Variants in CDH12 observed in about 807,000 individuals in gnomAD.
CDH12 encodes the protein cadherin-12.
Under a neutral mutation model 74.1 loss-of-function variants are expected in CDH12, and 41 were observed. The ratio of observed to expected loss-of-function variants is 0.55; its 90% CI spans 0.43 to 0.72. CDH12 has a LOEUF of 0.72. Ranked by LOEUF, CDH12 falls within the 30% of genes least tolerant of loss-of-function variation. The pLI, the probability that CDH12 is intolerant of heterozygous loss-of-function variation, is 0.00. For missense variants in CDH12, 945 were observed against 977.2 expected (o/e 0.97, Z 0.44); for synonymous variants, 399 against 355.0 (o/e 1.12, Z -1.39).
chr5:22,741,226 C>T (rs189134115), intron 1 of CDH12, among the ~76,000 whole-genome samples: 1 of 152,078 alleles, frequency 6.6e-6, no homozygotes, highest in African/African-American at 2.4e-5. Flanking sequence ...TGAAACATAC[C>T]CACAAAATCA....
At position 21,896,173 on chromosome 5, in the gene CDH12, AG is replaced by A. The variant is rs200065592; in HGVS notation, c.527-41384del. On this transcript the variant is annotated intron_variant, in intron 6 of 14. Coordinates refer to ENST00000382254, the MANE Select transcript of CDH12 (RefSeq NM_004061.5). The stretch of plus-strand genomic sequence containing the variant: ...GGAATGACAGCCAGCTTAATCAAAT[AG>A]AATTCATTCCAAAAAAGAAATTGAG... 1.8e-3 allele frequency among the ~76,000 whole-genome samples: 275 copies of A among 152,332 alleles called. 1 individual carries two copies. Among genetic ancestry groups the A allele is most frequent in the African/African-American group, 6.2e-3 (257 of 41,568 alleles).
At chr5:22,487,917 A>C (rs1746678604) in intron 2 of CDH12, among the ~76,000 whole-genome samples, 1 of 152,208 alleles carries the variant, frequency 6.6e-6, no homozygotes, top group South Asian at 2.1e-4. Flanking sequence ...AGTTATGTAA[A>C]TCCATCATAT....
chr5:21,920,980 A>AT (rs1185670845), intron 6 of CDH12, among the ~76,000 whole-genome samples: 1 of 152,114 alleles, frequency 6.6e-6, no homozygotes, highest in Middle Eastern at 3.2e-3. Context: ...GAAACCACAG[A>AT]TTTTTTCTTA....
At chr5:22,111,202 A>T (rs916227937) in intron 4 of CDH12, among the ~76,000 whole-genome samples, 1 of 152,092 alleles carries the variant, frequency 6.6e-6, no homozygotes, top group Non-Finnish European at 1.5e-5. Flanking sequence ...ATCTCCTTTC[A>T]AGAAATACCA....
intron 3 of CDH12, among the ~76,000 whole-genome samples, chr5:22,293,812 T>A (rs1198366881): frequency 6.6e-6 from 1 of 151,930 alleles, no homozygotes; most frequent in African/African-American, 2.4e-5. Flanking sequence ...AAGTAGAGAG[T>A]AGGATGGTGG....
At chr5:22,690,705 A>T (rs1742038217) in intron 1 of CDH12, among the ~76,000 whole-genome samples, 1 of 152,176 alleles carries the variant, frequency 6.6e-6, no homozygotes. Context: ...TGCCACTTGC[A>T]CAAATCACTT....
At position 21,862,858 on chromosome 5, in the gene CDH12, G is replaced by A. The variant is rs76604820; in HGVS notation, c.527-8068C>T. Among the ~76,000 whole-genome samples, 74 of 152,054 alleles carry A rather than the reference G, an allele frequency of 4.9e-4. No individual in the cohort carries two copies. In the East Asian group the frequency reaches 0.012, roughly 25 times the overall value. On this transcript the variant is annotated intron_variant, in intron 6 of 14. Transcript: ENST00000382254. ...ATGTGCTCTTGCTTTTTATCACTCT[G>A]CCATTGTCTTAACAGGTTGAGGTCC... is the stretch of plus-strand genomic sequence containing the variant.
intron 1 of CDH12, among the ~76,000 whole-genome samples, chr5:22,612,547 G>T (rs183056546): frequency 9.9e-5 from 15 of 151,590 alleles, no homozygotes; most frequent in African/African-American, 3.6e-4. Flanking sequence ...TTTTATCATC[G>T]AATTATGTTA....
At chr5:21,992,899 T>G (rs544831937) in intron 5 of CDH12, among the ~76,000 whole-genome samples, 3 of 152,196 alleles carry the variant, frequency 2.0e-5, no homozygotes. Flanking sequence ...TTCACAATAC[T>G]GCACGGCTGG....
At chr5:22,346,356 T>C (rs1387999447) in intron 3 of CDH12, among the ~76,000 whole-genome samples, 4 of 152,192 alleles carry the variant, frequency 2.6e-5, no homozygotes, top group Admixed American at 6.5e-5. Context: ...TACATAATTC[T>C]TTACATAATT....
chr5:21,982,621 ATATATC>A (rs1052032684), intron 5 of CDH12, among the ~76,000 whole-genome samples: 1 of 151,766 alleles, frequency 6.6e-6, no homozygotes, highest in Non-Finnish European at 1.5e-5. Flanking sequence ...TCTATAATCT[ATATATC>A]TATAACTATA....
intron 4 of CDH12, among the ~76,000 whole-genome samples, chr5:22,191,822 C>T (rs1750324380): frequency 6.6e-6 from 1 of 152,028 alleles, no homozygotes; most frequent in Admixed American, 6.5e-5. Flanking sequence ...CCTCGGCCTC[C>T]CAAAGTGCTG....
rs1207307885 is a variant in CDH12 at position 21,880,467 on chromosome 5, TTTCCTTCC to T, written c.527-25685_527-25678del. ...CCTTCTTTCCTTCCTTCCTTCCTTC[TTTCCTTCC>T]TTCCTTCCTTCCTTCCTTCCTTCCT... On this transcript the variant is annotated intron_variant, in intron 6 of 14. Coordinates refer to ENST00000382254, the MANE Select transcript of CDH12 (RefSeq NM_004061.5). Among the ~76,000 whole-genome samples, 25 of 84,880 alleles carry T rather than the reference TTTCCTTCC, an allele frequency of 2.9e-4. 2 individuals are homozygous for T. Among genetic ancestry groups the T allele is most frequent in the South Asian group, 1.1e-3 (2 of 1,876 alleles). 55.7% of individuals were successfully genotyped at this position (84,880 alleles called of 152,430 possible).
chr5:21,808,425 T>C (rs1429132504), intron 9 of CDH12, among the ~76,000 whole-genome samples: 4 of 151,836 alleles, frequency 2.6e-5, no homozygotes, highest in Non-Finnish European at 5.9e-5. Context: ...AATATATCCT[T>C]GAGTGATAAG....
intron 2 of CDH12, among the ~76,000 whole-genome samples, chr5:22,473,173 A>G (rs1191933961): frequency 2.0e-5 from 3 of 152,096 alleles, no homozygotes; most frequent in Non-Finnish European, 4.4e-5. Flanking sequence ...AATATGACTC[A>G]ATTTCTCACT....
At chr5:21,928,791 C>A (rs1200376227) in intron 6 of CDH12, among the ~76,000 whole-genome samples, 1 of 151,950 alleles carries the variant, frequency 6.6e-6, no homozygotes. Context: ...TGTAATTTTA[C>A]AAGTCTTTTG....
chr5:21,967,339 C>A (rs1203794988), intron 6 of CDH12, among the ~76,000 whole-genome samples: 2 of 152,134 alleles, frequency 1.3e-5, no homozygotes, highest in African/African-American at 2.4e-5. Flanking sequence ...GAAAAATAGT[C>A]CCGCAGCTGG....
At chr5:21,794,278 C>T (rs114145128) in intron 10 of CDH12, among the ~76,000 whole-genome samples, 2,325 of 151,166 alleles carry the variant, frequency 0.015, 48 homozygotes, top group African/African-American at 0.052. Context: ...TTCTTGTTTG[C>T]TTTTTTTTGT....
At chr5:22,729,617 T>C (rs1035623135) in intron 1 of CDH12, among the ~76,000 whole-genome samples, 6 of 151,920 alleles carry the variant, frequency 3.9e-5, no homozygotes, top group African/African-American at 1.4e-4. Context: ...TGTTTCTCTT[T>C]AATATTTTTT....
Sources: allele counts gnomAD v4.1 joint callset (sites outside exome capture counted in the v4.1 genomes callset), GRCh38; gene constraint gnomAD v4.1.1; transcripts MANE v1.5; gene names NCBI Gene and HGNC (gene_info 2026-07-23, HGNC 2026-07-21).